The following NRP1 variants were observed in gnomAD, a reference collection of about 807,000 sequenced individuals.
The protein encoded by NRP1 is neuropilin-1.
In NRP1, 35 loss-of-function variants were observed where a neutral mutation model predicts 106.7. The ratio of observed to expected loss-of-function variants is 0.33; its 90% CI spans 0.25 to 0.43. The LOEUF (loss-of-function observed/expected upper bound fraction) is 0.43, where lower values mean the gene tolerates loss of function less well. Among genes scored for constraint, NRP1 ranks in the 20% least tolerant of loss-of-function variants. The pLI, the probability that NRP1 is intolerant of heterozygous loss-of-function variation, is 1.00. For synonymous variants in NRP1, 437 were observed against 417.9 expected (o/e 1.05, Z -0.56); for missense variants, 1,024 against 1,170.4 (o/e 0.87, Z 1.83).
chr10:33,186,184 A>G (rs765276503), intron 14 of NRP1, 33 bp downstream of exon 14: 1 of 1,546,470 alleles, frequency 6.5e-7, no homozygotes, highest in Non-Finnish European at 8.7e-7. Flanking sequence ...TCCTGCAGCC[A>G]CTGCCCTCCC....
chr10:33,245,565 C>T (rs889564696), intron 6 of NRP1, among the ~76,000 whole-genome samples: 20 of 152,328 alleles, frequency 1.3e-4, no homozygotes, highest in African/African-American at 4.8e-4. Flanking sequence ...GGGGTTTAAA[C>T]ATGCTTGCTT....
At chr10:33,255,545 T>C (rs921718456) in intron 5 of NRP1, among the ~76,000 whole-genome samples, 5 of 152,110 alleles carry the variant, frequency 3.3e-5, no homozygotes, top group East Asian at 1.9e-4. Flanking sequence ...GCCTTAAACT[T>C]TGAGGCTCAA....
At chr10:33,197,774 G>A (rs1836894830) in intron 11 of NRP1, 65 bp from the exon 12 acceptor site, 2 of 927,674 alleles carry the variant, frequency 2.2e-6, no homozygotes, top group Admixed American at 2.0e-5. Flanking sequence ...GGAGAAAAAT[G>A]TATGCTTACA....
At chr10:33,243,371 T>G (rs1450752926) in intron 6 of NRP1, among the ~76,000 whole-genome samples, 3 of 152,194 alleles carry the variant, frequency 2.0e-5, no homozygotes, top group Non-Finnish European at 4.4e-5. Context: ...TTGAGTAAAT[T>G]TATTTTTAAT....
chr10:33,253,929 T>C lies in NRP1; in HGVS notation c.981+99A>G, dbSNP rs917127350. On this transcript the variant is annotated intron_variant, in intron 6 of 16. Transcript: ENST00000374867. ...TGATGGCCGTGAACCTATCTTCTCATTGGAGGCCATTTGGCACAGTACCAC... is the reference window on the plus strand; with the variant it reads ...TGATGGCCGTGAACCTATCTTCTCACTGGAGGCCATTTGGCACAGTACCAC... The C allele has an allele frequency of 2.4e-5, 26 of 1,071,320 alleles. No homozygotes were observed. In the African/African-American group the frequency reaches 2.9e-4, roughly 12 times the overall value. 66.4% of individuals were successfully genotyped at this position (1,071,320 alleles called of 1,614,324 possible). A position where few individuals can be genotyped will look rare whatever the true frequency, so the allele number is the denominator to read the frequency against.
At position 33,263,746 on chromosome 10, in the gene NRP1, G is replaced by A. The variant is rs199740711; in HGVS notation, c.558C>T (p.Ile186=). 2.0e-5 allele frequency: 33 copies of A among 1,613,914 alleles called. No homozygotes were observed. Among genetic ancestry groups the A allele is most frequent in the African/African-American group, 2.7e-5 (2 of 74,992 alleles). ...CCAGGTCAAAGCTTTCAAATTCCAG[G>A]ATAATCTCTGACATCTTTGGCACAA... is the stretch of plus-strand genomic sequence containing the variant. The part of the protein sequence containing the change: ...IVFVPKMSEI[I]LEFESFDLEP... Residue 186 remains isoleucine, a synonymous_variant, in exon 4 of 17, where the codon ATC becomes ATT. Transcript: ENST00000374867.
chr10:33,283,278 A>G (rs547324185), intron 2 of NRP1, among the ~76,000 whole-genome samples: 81 of 152,358 alleles, frequency 5.3e-4, no homozygotes, highest in African/African-American at 1.8e-3. Flanking sequence ...TATTGAAAGT[A>G]GCATACTGTT....
chr10:33,264,021 T>C (rs1414820435), intron 3 of NRP1, 148 bp from the exon 4 acceptor site: 4 of 602,960 alleles, frequency 6.6e-6, no homozygotes, highest in African/African-American at 1.9e-5. Context: ...AGCCTTTTCA[T>C]ATTAGTAAAA....
chr10:33,207,803 C>G (rs912800690), intron 9 of NRP1, 87 bp from the exon 10 acceptor site: 1 of 1,415,720 alleles, frequency 7.1e-7, no homozygotes, highest in East Asian at 2.3e-5. Context: ...CTTCAGGACT[C>G]TGAATAAGGC....
chr10:33,216,715 C>T (rs938693504), intron 8 of NRP1, among the ~76,000 whole-genome samples: 4 of 151,960 alleles, frequency 2.6e-5, no homozygotes, highest in Non-Finnish European at 4.4e-5. Context: ...GTGCTGGGGT[C>T]ACAGGCTTGA....
At chr10:33,295,570 A>G (rs1351787334) in intron 2 of NRP1, among the ~76,000 whole-genome samples, 1 of 152,044 alleles carries the variant, frequency 6.6e-6, no homozygotes, top group African/African-American at 2.4e-5. Context: ...TTAGTCAGGC[A>G]TGGTGGTGCA....
chr10:33,322,242 T>A (rs1847562948), intron 2 of NRP1, among the ~76,000 whole-genome samples: 1 of 152,184 alleles, frequency 6.6e-6, no homozygotes, highest in Admixed American at 6.5e-5. Context: ...GTGGCCTGGT[T>A]GTCAGGCTTT....
At chr10:33,247,044 TTAA>T (rs1423482460) in intron 6 of NRP1, among the ~76,000 whole-genome samples, 1 of 152,162 alleles carries the variant, frequency 6.6e-6, no homozygotes, top group African/African-American at 2.4e-5. Flanking sequence ...TCCAGAAAGT[TTAA>T]GAGAAAAGAA....
intron 2 of NRP1, among the ~76,000 whole-genome samples, chr10:33,325,620 A>T (rs906436844): frequency 5.9e-5 from 9 of 152,214 alleles, no homozygotes; most frequent in African/African-American, 2.2e-4. Flanking sequence ...AATAAAAGAC[A>T]TTAGCACTGT....
chr10:33,219,799 A>G (rs1839081153), intron 8 of NRP1, among the ~76,000 whole-genome samples: 1 of 142,538 alleles, frequency 7.0e-6, no homozygotes, highest in Admixed American at 7.4e-5. Context: ...TGGAGTCTTT[A>G]TGAAGTTTAC....
At chr10:33,219,957 T>C (rs1004235146) in intron 8 of NRP1, among the ~76,000 whole-genome samples, 5 of 152,234 alleles carry the variant, frequency 3.3e-5, no homozygotes, top group Non-Finnish European at 4.4e-5. Context: ...GAACTTTCTG[T>C]CATCTAACTG....
At chr10:33,223,321 C>T (rs1300437052) in intron 7 of NRP1, among the ~76,000 whole-genome samples, 2 of 152,132 alleles carry the variant, frequency 1.3e-5, no homozygotes, top group African/African-American at 2.4e-5. Context: ...TGGTCAAATG[C>T]TTTACAGAGT....
intron 13 of NRP1, among the ~76,000 whole-genome samples, chr10:33,191,828 A>T (rs1241703529): frequency 1.3e-5 from 2 of 151,914 alleles, no homozygotes; most frequent in Non-Finnish European, 2.9e-5. Context: ...AATACAAAAA[A>T]TTAGCTGGGT....
chr10:33,321,934 G>A (rs1017336481), intron 2 of NRP1, among the ~76,000 whole-genome samples: 2 of 152,140 alleles, frequency 1.3e-5, no homozygotes, highest in Admixed American at 6.5e-5. Flanking sequence ...CAGATAAAAC[G>A]AAATACACTG....
Sources: allele counts gnomAD v4.1 joint callset (sites outside exome capture counted in the v4.1 genomes callset), GRCh38; gene constraint gnomAD v4.1.1; transcripts MANE v1.5; gene names NCBI Gene and HGNC (gene_info 2026-07-23, HGNC 2026-07-21).